MAGI2: variants seen among roughly 807,000 people sequenced by gnomAD.
MAGI2 encodes membrane associated guanylate kinase, WW and PDZ domain containing 2, also known as membrane-associated guanylate kinase, WW and PDZ domain-containing protein 2.
A neutral mutation model predicts 133.3 loss-of-function variants in MAGI2; 35 were observed. The observed-to-expected ratio is 0.26, with a 90% CI of 0.20 to 0.35. The LOEUF (loss-of-function observed/expected upper bound fraction) is 0.35, where lower values mean the gene tolerates loss of function less well. Among genes scored for constraint, MAGI2 ranks in the 10% least tolerant of loss-of-function variants. MAGI2 has a pLI of 1.00. For synonymous variants in MAGI2, 729 were observed against 710.6 expected (o/e 1.03, Z -0.41); for missense variants, 1,636 against 1,863.4 (o/e 0.88, Z 2.25).
intron 1 of MAGI2, among the ~76,000 whole-genome samples, chr7:79,318,574 A>C (rs987998741): frequency 7.2e-5 from 11 of 152,300 alleles, no homozygotes; most frequent in Non-Finnish European, 2.9e-5. Flanking sequence ...CTGAATAACT[A>C]TACTTATCAA....
intron 16 of MAGI2, among the ~76,000 whole-genome samples, chr7:78,153,340 G>A (rs190733166): frequency 9.8e-5 from 15 of 152,344 alleles, no homozygotes; most frequent in Non-Finnish European, 1.5e-4. Flanking sequence ...AATGTTACAT[G>A]TGTGCCAAGA....
intron 10 of MAGI2, among the ~76,000 whole-genome samples, chr7:78,208,953 T>A (rs1188805608): frequency 6.6e-6 from 1 of 151,908 alleles, no homozygotes; most frequent in Non-Finnish European, 1.5e-5. Context: ...CCGGGCGCGG[T>A]GGCTCACGCC....
intron 1 of MAGI2, among the ~76,000 whole-genome samples, chr7:79,362,359 G>A (rs848907): frequency 0.5 from 75,837 of 151,768 alleles, 20,372 homozygotes; most frequent in African/African-American, 0.7. Flanking sequence ...TCATCAAAAA[G>A]TGAATTTATA....
chr7:78,425,206 T>C (rs1347239122), intron 6 of MAGI2, among the ~76,000 whole-genome samples: 3 of 152,176 alleles, frequency 2.0e-5, no homozygotes, highest in African/African-American at 7.2e-5. Context: ...TGAGATCTGA[T>C]GGTTTTAAAA....
At chr7:79,017,385 C>T (rs1808844869) in intron 1 of MAGI2, among the ~76,000 whole-genome samples, 1 of 152,138 alleles carries the variant, frequency 6.6e-6, no homozygotes, top group African/African-American at 2.4e-5. Flanking sequence ...CACCTTATGC[C>T]ATAATCAACC....
At chr7:78,957,515 C>T (rs543274752) in intron 2 of MAGI2, among the ~76,000 whole-genome samples, 1 of 152,066 alleles carries the variant, frequency 6.6e-6, no homozygotes, top group East Asian at 1.9e-4. Context: ...CATAAATTTA[C>T]TATATGTATA....
At chr7:78,335,577 T>C (rs1789677966) in intron 9 of MAGI2, among the ~76,000 whole-genome samples, 1 of 152,044 alleles carries the variant, frequency 6.6e-6, no homozygotes, top group African/African-American at 2.4e-5. Context: ...AAAAAGAGGA[T>C]ATGGATAGGA....
chr7:78,741,118 A>T (rs1822378480), intron 2 of MAGI2, among the ~76,000 whole-genome samples: 1 of 152,192 alleles, frequency 6.6e-6, no homozygotes, highest in Non-Finnish European at 1.5e-5. Flanking sequence ...ATACACATAA[A>T]CAGCAATTAT....
intron 1 of MAGI2, among the ~76,000 whole-genome samples, chr7:79,373,133 G>A (rs2129135632): frequency 1.3e-5 from 2 of 151,902 alleles, no homozygotes; most frequent in African/African-American, 4.8e-5. Flanking sequence ...AATCCTATCT[G>A]GAACCATAAA....
chr7:79,093,717 T>C (rs1275994150), intron 1 of MAGI2, among the ~76,000 whole-genome samples: 201 of 140,870 alleles, frequency 1.4e-3, no homozygotes, highest in Non-Finnish European at 2.5e-3. Flanking sequence ...TTCTTTTCTT[T>C]TTTTTTTTTT....
At position 78,541,921 on chromosome 7, in the gene MAGI2, C is replaced by T. The variant is rs568246109; in HGVS notation, c.539-20276G>A. Among the ~76,000 whole-genome samples the T allele has an allele frequency of 2.0e-5, 3 of 152,290 alleles. No individual in the cohort carries two copies. The East Asian group carries it at 5.8e-4, about 29-fold the overall frequency. ...AGGTATTACATTTCTGATATGCTAA[C>T]TTGTCTATGTTAGGAATTGACAAAT... On this transcript the variant is annotated intron_variant, in intron 3 of 21. Coordinates refer to ENST00000354212, the MANE Select transcript of MAGI2 (RefSeq NM_012301.4).
intron 3 of MAGI2, among the ~76,000 whole-genome samples, chr7:78,610,266 AG>A (rs765573156): frequency 3.9e-4 from 60 of 152,206 alleles, no homozygotes; most frequent in Non-Finnish European, 8.4e-4. Flanking sequence ...CAATTGCTTC[AG>A]GGTGATAGGG....
At chr7:78,172,128 C>T (rs555719326) in intron 14 of MAGI2, among the ~76,000 whole-genome samples, 1 of 152,188 alleles carries the variant, frequency 6.6e-6, no homozygotes. Flanking sequence ...ATTCAAGTGG[C>T]TGCGGTGCCA....
rs114481930 is a variant in MAGI2, at chr7:78,745,919, C to T, written c.419-118680G>A. 8.1e-3 allele frequency among the ~76,000 whole-genome samples: 1,231 copies of T among 152,240 alleles called. 25 individuals carry two copies. Among genetic ancestry groups the T allele is most frequent in the African/African-American group, 0.028 (1,169 of 41,552 alleles). Reference sequence around the variant, plus strand: ...TTTTTCAATGGATCTCTTCTGCAGTCACCTGTTGAACAGAAAGAAAATACT... The same window carrying T: ...TTTTTCAATGGATCTCTTCTGCAGTTACCTGTTGAACAGAAAGAAAATACT... On this transcript the variant is annotated intron_variant, in intron 2 of 21. Transcript: ENST00000354212.
intron 9 of MAGI2, among the ~76,000 whole-genome samples, chr7:78,333,730 C>T (rs1204690400): frequency 6.6e-5 from 10 of 152,180 alleles, no homozygotes; most frequent in South Asian, 2.1e-4. Context: ...ACCATCCCAG[C>T]GGAGGCATGA....
At chr7:79,361,956 G>A (rs1341644277) in intron 1 of MAGI2, among the ~76,000 whole-genome samples, 1 of 151,954 alleles carries the variant, frequency 6.6e-6, no homozygotes, top group Non-Finnish European at 1.5e-5. Flanking sequence ...GCATCAAATA[G>A]TTACAGTTTA....
chr7:78,447,416 T>C (rs1788261465), intron 6 of MAGI2, among the ~76,000 whole-genome samples: 1 of 150,966 alleles, frequency 6.6e-6, no homozygotes, highest in Admixed American at 6.6e-5. Context: ...AAATATAAAA[T>C]GGCGATAATT....
intron 2 of MAGI2, among the ~76,000 whole-genome samples, chr7:78,691,763 A>G (rs1388354525): frequency 1.3e-5 from 2 of 152,176 alleles, no homozygotes; most frequent in Non-Finnish European, 2.9e-5. Flanking sequence ...AGGGAAGATC[A>G]ATAGACAAAG....
At chr7:78,669,305 A>G (rs1814037329) in intron 2 of MAGI2, among the ~76,000 whole-genome samples, 1 of 152,118 alleles carries the variant, frequency 6.6e-6, no homozygotes, top group South Asian at 2.1e-4. Flanking sequence ...CTATGCAAAT[A>G]AACTAGAAAA....
Sources: allele counts gnomAD v4.1 joint callset (sites outside exome capture counted in the v4.1 genomes callset), GRCh38; gene constraint gnomAD v4.1.1; transcripts MANE v1.5; gene names NCBI Gene and HGNC (gene_info 2026-07-23, HGNC 2026-07-21).